ABLIM1: variants seen among roughly 807,000 people sequenced by gnomAD.
ABLIM1 encodes actin-binding LIM protein 1.
Under a neutral mutation model 107.0 loss-of-function variants are expected in ABLIM1, and 40 were observed. That is an observed-to-expected ratio of 0.37 (90% CI 0.29 to 0.49). The LOEUF (loss-of-function observed/expected upper bound fraction) is 0.49. Ranked by LOEUF, ABLIM1 falls within the 20% of genes least tolerant of loss-of-function variation. The pLI, the probability that ABLIM1 is intolerant of heterozygous loss-of-function variation, is 0.97. For synonymous variants in ABLIM1, 357 were observed against 357.3 expected (o/e 1.00, Z 0.01); for missense variants, 857 against 1,008.5 (o/e 0.85, Z 2.04).
chr10:114,569,250 C>T (rs955581621), intron 4 of ABLIM1, among the ~76,000 whole-genome samples: 2 of 152,168 alleles, frequency 1.3e-5, no homozygotes, highest in African/African-American at 4.8e-5. Context: ...GCCTTGTGGA[C>T]GTGTTCTCTG....
chr10:114,749,440 A>AAC lies in ABLIM1; in HGVS notation c.-213+18619_-213+18620dup, dbSNP rs577727327. Reference sequence around the variant, plus strand: ...CATGTAGTTATTCACAAATTAAAACAACACACACACCACACACACACACAC... The same window carrying AAC: ...CATGTAGTTATTCACAAATTAAAACAACACACACACACCACACACACACACAC... On this transcript the variant is annotated intron_variant, in intron 1 of 15. Transcript: ENST00000651092. 7.4e-4 allele frequency among the ~76,000 whole-genome samples: 94 copies of AAC among 127,306 alleles called. 3 individuals carry two copies. The South Asian group carries it at 0.023, about 31-fold the overall frequency. 83.5% of individuals were successfully genotyped at this position (127,306 alleles called of 152,430 possible).
chr10:114,555,945 A>G (rs534464988), intron 4 of ABLIM1, among the ~76,000 whole-genome samples: 3 of 152,278 alleles, frequency 2.0e-5, no homozygotes, highest in Admixed American at 1.3e-4. Flanking sequence ...TAGAAACAAA[A>G]TCATTTCAGA....
At chr10:114,472,236 AG>A (rs1212885259) in intron 10 of ABLIM1, among the ~76,000 whole-genome samples, 2 of 152,174 alleles carry the variant, frequency 1.3e-5, no homozygotes, top group Non-Finnish European at 2.9e-5. Context: ...TTACAGATGA[AG>A]AAACTAGGAC....
chr10:114,526,831 G>A, intron 6 of ABLIM1: 1 of 985,460 alleles, frequency 1.0e-6, no homozygotes, highest in Non-Finnish European at 1.2e-6. Context: ...TCTCTCCGAA[G>A]CTCGGCTAAG....
chr10:114,732,386 C>G (rs1021199538), intron 1 of ABLIM1, among the ~76,000 whole-genome samples: 1 of 151,868 alleles, frequency 6.6e-6, no homozygotes, highest in African/African-American at 2.4e-5. Context: ...AAGGTCTATT[C>G]AAGTCCCTTG....
intron 8 of ABLIM1, among the ~76,000 whole-genome samples, chr10:114,474,573 G>C (rs896298077): frequency 6.6e-6 from 1 of 151,952 alleles, no homozygotes; most frequent in Non-Finnish European, 1.5e-5. Flanking sequence ...GTAGAGACAG[G>C]GTTTCACCGT....
chr10:114,458,040 T>G (rs1276035481), intron 12 of ABLIM1, among the ~76,000 whole-genome samples: 1 of 152,014 alleles, frequency 6.6e-6, no homozygotes, highest in Non-Finnish European at 1.5e-5. Context: ...ACCACTGCAC[T>G]CCAGCTGGGG....
At chr10:114,543,351 T>C (rs2066923327) in intron 6 of ABLIM1, among the ~76,000 whole-genome samples, 1 of 152,196 alleles carries the variant, frequency 6.6e-6, no homozygotes, top group Non-Finnish European at 1.5e-5. Context: ...CAACTACCAA[T>C]CTGCTTTCTA....
the ABLIM1 span, among the ~76,000 whole-genome samples, chr10:114,781,169 T>C: frequency 6.6e-6 from 1 of 152,144 alleles, no homozygotes; most frequent in Non-Finnish European, 1.5e-5. Context: ...CTCTTCTTAG[T>C]ATTGTAAAGT....
intron 1 of ABLIM1, among the ~76,000 whole-genome samples, chr10:114,610,413 A>G (rs955584064): frequency 6.6e-6 from 1 of 152,176 alleles, no homozygotes; most frequent in African/African-American, 2.4e-5. Context: ...TTCTCATGGC[A>G]GTCTACGTTT....
intron 1 of ABLIM1, chr10:114,613,600 T>G: frequency 8.9e-7 from 1 of 1,120,862 alleles, no homozygotes; most frequent in Non-Finnish European, 1.2e-6. Flanking sequence ...TGTGAACCCT[T>G]TCTGAAAAGG....
At chr10:114,559,630 G>A (rs542207245) in intron 4 of ABLIM1, among the ~76,000 whole-genome samples, 2 of 152,208 alleles carry the variant, frequency 1.3e-5, no homozygotes, top group Non-Finnish European at 2.9e-5. Context: ...GCTTCCCTGT[G>A]GGCTTAGAGC....
intron 4 of ABLIM1, among the ~76,000 whole-genome samples, chr10:114,565,788 C>CTTATTTTTTTTT (rs2070608122): frequency 9.9e-6 from 1 of 101,072 alleles, no homozygotes; most frequent in African/African-American, 3.5e-5. Flanking sequence ...GAAATGATTT[C>CTTATTTTTTTTT]TTTTTTTTTT....
At chr10:114,488,111 T>C in intron 7 of ABLIM1, 95 bp from the exon 8 acceptor site, 1 of 1,284,264 alleles carries the variant, frequency 7.8e-7, no homozygotes. Flanking sequence ...TATCCCTCTT[T>C]CCCCATCATA....
intron 4 of ABLIM1, among the ~76,000 whole-genome samples, chr10:114,549,722 G>A (rs888497382): frequency 6.6e-6 from 1 of 152,192 alleles, no homozygotes; most frequent in Admixed American, 6.5e-5. Context: ...TGGACCATCA[G>A]TGAAGGGCCA....
chr10:114,552,167 T>C (rs2068143568), intron 4 of ABLIM1, among the ~76,000 whole-genome samples: 1 of 152,198 alleles, frequency 6.6e-6, no homozygotes, highest in Non-Finnish European at 1.5e-5. Flanking sequence ...TGGTCTTCAC[T>C]CAAGCCTGAC....
chr10:114,649,044 T>C (rs1380127868), intron 1 of ABLIM1, among the ~76,000 whole-genome samples: 1 of 152,184 alleles, frequency 6.6e-6, no homozygotes, highest in Non-Finnish European at 1.5e-5. Context: ...CCTCTGATTA[T>C]ACCATAGACC....
chr10:114,447,040 A>G lies in ABLIM1; in HGVS notation c.1735+840T>C, dbSNP rs75852502. 6.4e-3 allele frequency among the ~76,000 whole-genome samples: 970 copies of G among 152,350 alleles called. 10 individuals carry two copies. Among genetic ancestry groups the G allele is most frequent in the African/African-American group, 0.021 (883 of 41,590 alleles). On this transcript the variant is annotated intron_variant, in intron 15 of 22. Coordinates refer to ENST00000533213, the MANE Select transcript of ABLIM1 (RefSeq NM_002313.7). ...ATATTCCAAAAATAACTTATTAAAA[A>G]TAGCACAATGAAGATTAGGACATTT...
intron 6 of ABLIM1, among the ~76,000 whole-genome samples, chr10:114,520,531 G>A (rs1290548923): frequency 1.3e-5 from 2 of 151,980 alleles, no homozygotes; most frequent in Non-Finnish European, 2.9e-5. Context: ...TCCCAGGGCT[G>A]CCAATTGTAA....
Sources: gnomAD v4.1 joint callset for allele counts (sites outside exome capture counted in the v4.1 genomes callset) on GRCh38, gnomAD v4.1.1 for gene constraint, MANE v1.5 for transcripts, NCBI Gene and HGNC (gene_info 2026-07-23, HGNC 2026-07-21) for gene names.